Variants in EBF1 observed in about 807,000 individuals in gnomAD.
The protein encoded by EBF1 is EBF transcription factor 1.
Under a neutral mutation model 68.4 loss-of-function variants are expected in EBF1, and 10 were observed. The ratio of observed to expected loss-of-function variants is 0.15; its 90% CI spans 0.09 to 0.25. EBF1 has a LOEUF of 0.25. EBF1 is among the 10% of genes least tolerant of loss of function. The probability of loss-of-function intolerance (pLI) is 1.00; values close to 1 mark genes in which losing one functional copy is unlikely to be tolerated. For missense variants in EBF1, 509 were observed against 794.4 expected (o/e 0.64, Z 4.32); for synonymous variants, 298 against 299.8 (o/e 0.99, Z 0.06).
chr5:158,700,137 T>C (rs909296159), intron 15 of EBF1, among the ~76,000 whole-genome samples: 3 of 152,272 alleles, frequency 2.0e-5, no homozygotes, highest in African/African-American at 4.8e-5. Context: ...AACCCATCAC[T>C]TCTGCTACTA....
chr5:158,735,446 C>T (rs1764971984), intron 10 of EBF1, among the ~76,000 whole-genome samples: 2 of 152,172 alleles, frequency 1.3e-5, no homozygotes, highest in South Asian at 4.1e-4. Flanking sequence ...AGTAGGACTT[C>T]GTGGAGTTGT....
chr5:158,837,511 C>G (rs1789072868), intron 7 of EBF1, among the ~76,000 whole-genome samples: 1 of 152,160 alleles, frequency 6.6e-6, no homozygotes, highest in Non-Finnish European at 1.5e-5. Context: ...AACTGAAGCT[C>G]CAAAGGATTA....
At chr5:158,724,242 T>C (rs1033234189) in intron 11 of EBF1, among the ~76,000 whole-genome samples, 87 of 152,166 alleles carry the variant, frequency 5.7e-4, no homozygotes, top group African/African-American at 1.9e-3. Context: ...TGTTTCTGTG[T>C]TTTCGTCTGA....
chr5:158,715,565 A>G (rs1760478059), intron 11 of EBF1, among the ~76,000 whole-genome samples: 2 of 152,200 alleles, frequency 1.3e-5, no homozygotes, highest in African/African-American at 4.8e-5. Flanking sequence ...TGCTTGCCTT[A>G]AGCTGATAGA....
rs1418838488 is a variant in EBF1 at position 158,883,643 on chromosome 5, T to C, written c.555-43533A>G. ...TTACCATCTCCAAGTCTCACAATCCTATGAGAGTAGTTAGCCCCGTTTTAC... is the reference window on the plus strand; with the variant it reads ...TTACCATCTCCAAGTCTCACAATCCCATGAGAGTAGTTAGCCCCGTTTTAC... On this transcript the variant is annotated intron_variant, in intron 6 of 15. Transcript: ENST00000313708. 2.0e-5 allele frequency among the ~76,000 whole-genome samples: 3 copies of C among 152,128 alleles called. No homozygotes were observed. In the South Asian group the frequency reaches 6.2e-4, roughly 32 times the overall value.
intron 6 of EBF1, among the ~76,000 whole-genome samples, chr5:158,846,194 G>A (rs147977552): frequency 1.9e-4 from 29 of 152,288 alleles, no homozygotes; most frequent in South Asian, 1.9e-3. Context: ...CAGCTGTGTG[G>A]AAACAACTGT....
At chr5:158,757,394 A>G (rs1157791666) in intron 10 of EBF1, among the ~76,000 whole-genome samples, 1 of 152,192 alleles carries the variant, frequency 6.6e-6, no homozygotes, top group Non-Finnish European at 1.5e-5. Flanking sequence ...TGAGGAAAGT[A>G]TGGAACAAAC....
At chr5:158,705,193 C>G (rs188061096) in intron 15 of EBF1, among the ~76,000 whole-genome samples, 41 of 152,298 alleles carry the variant, frequency 2.7e-4, no homozygotes, top group African/African-American at 9.6e-4. Flanking sequence ...GTTGGCCAGG[C>G]TGGTCTCAAA....
intron 6 of EBF1, among the ~76,000 whole-genome samples, chr5:158,962,086 G>C (rs755266754): frequency 6.6e-6 from 1 of 152,282 alleles, no homozygotes; most frequent in East Asian, 1.9e-4. Flanking sequence ...GACTGCTATC[G>C]ATGGCAGCAC....
At chr5:158,989,016 GC>G (rs1759719631) in intron 6 of EBF1, among the ~76,000 whole-genome samples, 1 of 152,146 alleles carries the variant, frequency 6.6e-6, no homozygotes, top group Admixed American at 6.5e-5. Flanking sequence ...CCTCTTCTCT[GC>G]CCCAGAGGAA....
intron 6 of EBF1, chr5:158,983,339 T>C (rs1241335674): frequency 6.6e-6 from 1 of 152,188 alleles, no homozygotes; most frequent in Non-Finnish European, 1.5e-5. Flanking sequence ...TTAAGTTCTC[T>C]GAAAGTATGA....
chr5:159,010,491 C>G (rs1201529379), intron 6 of EBF1, among the ~76,000 whole-genome samples: 16 of 152,100 alleles, frequency 1.1e-4, no homozygotes, highest in Admixed American at 7.9e-4. Flanking sequence ...ATACTCCCCC[C>G]CAGAAGCATG....
At chr5:158,959,043 C>A (rs984784021) in intron 6 of EBF1, among the ~76,000 whole-genome samples, 28 of 152,000 alleles carry the variant, frequency 1.8e-4, no homozygotes, top group African/African-American at 6.8e-4. Context: ...CAAGGTAATT[C>A]AAAATTCTAG....
chr5:158,721,558 A>C (rs1004680402), intron 11 of EBF1, among the ~76,000 whole-genome samples: 1 of 152,228 alleles, frequency 6.6e-6, no homozygotes, highest in Non-Finnish European at 1.5e-5. Flanking sequence ...GATTTGGCTC[A>C]TAATTTTATT....
At chr5:159,007,287 A>G (rs1051398353) in intron 6 of EBF1, among the ~76,000 whole-genome samples, 2 of 152,234 alleles carry the variant, frequency 1.3e-5, no homozygotes, top group Non-Finnish European at 2.9e-5. Context: ...GGGTCCCAGT[A>G]AAAGGAAAAA....
chr5:158,729,993 G>A (rs1401654304), intron 11 of EBF1, among the ~76,000 whole-genome samples: 1 of 152,200 alleles, frequency 6.6e-6, no homozygotes, highest in Non-Finnish European at 1.5e-5. Context: ...ATTTGATGAC[G>A]AACTGATACT....
rs1483950542 is a variant in EBF1, at chr5:158,909,761, A to C, written c.555-69651T>G. Among the ~76,000 whole-genome samples, 3 of 151,810 alleles carry C rather than the reference A, an allele frequency of 2.0e-5. No individual in the cohort carries two copies. The East Asian group carries it at 5.8e-4, about 29-fold the overall frequency. On this transcript the variant is annotated intron_variant, in intron 6 of 15. Coordinates refer to ENST00000313708, the MANE Select transcript of EBF1 (RefSeq NM_024007.5). ...AGACCATCCTGGCCAACATAGTAAA[A>C]CCCTGTCTCTACTAAACATACAAAA...
At chr5:159,083,642 T>C (rs996060821) in intron 5 of EBF1, among the ~76,000 whole-genome samples, 1 of 152,202 alleles carries the variant, frequency 6.6e-6, no homozygotes, top group Non-Finnish European at 1.5e-5. Flanking sequence ...TGTAGAGTTT[T>C]AAGGTTGCTT....
rs1337313740 is a variant in EBF1, at chr5:158,894,009, A to G, written c.555-53899T>C. Among the ~76,000 whole-genome samples the G allele has an allele frequency of 4.6e-5, 7 of 152,328 alleles. 1 individual carries two copies. The highest frequency in any genetic ancestry group is 3.9e-4 in the Admixed American group (6 of 15,298). On this transcript the variant is annotated intron_variant, in intron 6 of 15. Transcript: ENST00000313708. ...TAAAATGATCAAAGATTACATCATT[A>G]AAAAAGGAGGGAAGTGAGGTTGAGA...
Sources: allele counts gnomAD v4.1 joint callset (sites outside exome capture counted in the v4.1 genomes callset), GRCh38; gene constraint gnomAD v4.1.1; transcripts MANE v1.5; gene names NCBI Gene and HGNC (gene_info 2026-07-23, HGNC 2026-07-21).